Variants in AGPS observed in about 807,000 individuals in gnomAD.
The protein encoded by AGPS is alkylglycerone phosphate synthase.
In AGPS, 26 loss-of-function variants were observed where a neutral mutation model predicts 90.7. The observed-to-expected ratio is 0.29, with a 90% CI of 0.21 to 0.40. AGPS has a LOEUF of 0.40. AGPS is among the 10% of genes least tolerant of loss of function. The pLI is 1.00. For missense variants in AGPS, 540 were observed against 816.1 expected (o/e 0.66, Z 4.12); for synonymous variants, 294 against 285.3 (o/e 1.03, Z -0.31).
rs545636352 is a variant in AGPS, at chr2:177,442,430, C to T, written c.733C>T (p.Leu245=). ...IGGGTSVSYG[L]MCPADETRTI... ...AGGAGGAACAAGTGTTTCATATGGC[C>T]TGATGTGTCCTGCAGATGAGACAAG... Residue 245 remains leucine (L), a synonymous_variant, in exon 7 of 20, where the codon CTG becomes TTG. Coordinates refer to ENST00000264167, the MANE Select transcript of AGPS (RefSeq NM_003659.4). 24 of 1,613,836 alleles carry T rather than the reference C, an allele frequency of 1.5e-5. No individual in the cohort carries two copies. In the East Asian group the frequency reaches 4.2e-4, roughly 28 times the overall value.
chr2:177,410,764 C>T (rs1439833686), intron 1 of AGPS, among the ~76,000 whole-genome samples: 1 of 152,042 alleles, frequency 6.6e-6, no homozygotes, highest in Non-Finnish European at 1.5e-5. Context: ...CAAGCATACC[C>T]GGGGCTCTGT....
intron 11 of AGPS, among the ~76,000 whole-genome samples, chr2:177,489,763 T>A (rs1216510700): frequency 3.3e-5 from 5 of 152,218 alleles, no homozygotes; most frequent in Non-Finnish European, 7.3e-5. Flanking sequence ...AGGAAAGAAA[T>A]CAATTATTTC....
intron 1 of AGPS, among the ~76,000 whole-genome samples, chr2:177,410,173 C>T (rs928340414): frequency 6.6e-6 from 1 of 152,170 alleles, no homozygotes; most frequent in Non-Finnish European, 1.5e-5. Flanking sequence ...GGGATTACCC[C>T]ATACTAGGGG....
chr2:177,528,999 G>C, intron 19 of AGPS, among the ~76,000 whole-genome samples: 1 of 151,690 alleles, frequency 6.6e-6, no homozygotes, highest in East Asian at 1.9e-4. Context: ...GGGATTACAG[G>C]CTCCCGCCAC....
chr2:177,405,947 T>C (rs1482197473), intron 1 of AGPS, among the ~76,000 whole-genome samples: 2 of 152,192 alleles, frequency 1.3e-5, no homozygotes, highest in East Asian at 1.9e-4. Flanking sequence ...TCAGCATTCA[T>C]GTGTAAGGTC....
intron 18 of AGPS, among the ~76,000 whole-genome samples, chr2:177,521,650 T>A (rs1269363973): frequency 6.6e-6 from 1 of 152,204 alleles, no homozygotes; most frequent in Non-Finnish European, 1.5e-5. Context: ...ATTAAATAAC[T>A]ATATAGGAAT....
At chr2:177,416,362 A>G (rs1414861505) in intron 1 of AGPS, among the ~76,000 whole-genome samples, 1 of 152,230 alleles carries the variant, frequency 6.6e-6, no homozygotes, top group Admixed American at 6.5e-5. Context: ...CACCTTGTGC[A>G]TATAGGATGC....
At chr2:177,490,846 CTTTTTTT>C (rs61555724) in intron 11 of AGPS, among the ~76,000 whole-genome samples, 4 of 58,198 alleles carry the variant, frequency 6.9e-5, no homozygotes, top group Non-Finnish European at 1.2e-4. Context: ...AAGTTGCAGA[CTTTTTTT>C]TTTTTTTTTT....
intron 7 of AGPS, among the ~76,000 whole-genome samples, chr2:177,444,656 C>CT (rs1686717229): frequency 6.6e-6 from 1 of 151,830 alleles, no homozygotes; most frequent in Non-Finnish European, 1.5e-5. Flanking sequence ...GTGCTCTTTC[C>CT]TTTTTATTAT....
chr2:177,415,262 G>A (rs935813334), intron 1 of AGPS, among the ~76,000 whole-genome samples: 3 of 152,290 alleles, frequency 2.0e-5, no homozygotes, highest in East Asian at 3.9e-4. Context: ...TATATCAAAT[G>A]TGTTCCCTTA....
chr2:177,525,408 A>T lies in AGPS; in HGVS notation c.1855+1603A>T, dbSNP rs567122939. The stretch of plus-strand genomic sequence containing the variant: ...TGATTACATGGGACAGAGGAAGCGA[A>T]ATGATTTAGCCATAATTACTTGTTT... On this transcript the variant is annotated intron_variant, in intron 19 of 19. Transcript: ENST00000264167. 1.1e-4 allele frequency among the ~76,000 whole-genome samples: 16 copies of T among 152,334 alleles called. No individual in the cohort carries two copies. In the Middle Eastern group the frequency reaches 0.01, roughly 97 times the overall value.
At chr2:177,482,024 T>G in intron 10 of AGPS, 35 bp from the exon 11 acceptor site, 1 of 1,561,462 alleles carries the variant, frequency 6.4e-7, no homozygotes, top group Non-Finnish European at 8.7e-7. Context: ...AATTGTCATG[T>G]GATGTACTGG....
At chr2:177,440,849 T>C in intron 5 of AGPS, 116 bp from the exon 6 acceptor site, 1 of 808,776 alleles carries the variant, frequency 1.2e-6, no homozygotes, top group Non-Finnish European at 2.1e-6. Flanking sequence ...ATTGTGTTAA[T>C]GAGCAAATGA....
At chr2:177,425,343 G>A (rs1318303518) in intron 2 of AGPS, among the ~76,000 whole-genome samples, 6 of 151,868 alleles carry the variant, frequency 4.0e-5, no homozygotes, top group Non-Finnish European at 5.9e-5. Flanking sequence ...AATCCTGGCC[G>A]GGCGCAGTGG....
chr2:177,540,034 T>TA lies in AGPS; in HGVS notation c.*1840dup, dbSNP rs1454814808. On this transcript the variant is annotated 3_prime_UTR_variant, in exon 20 of 20. Coordinates refer to ENST00000264167, the MANE Select transcript of AGPS (RefSeq NM_003659.4). ...AGGTACTAATGTCTCACTGGAAGTA[T>TA]ATATATATATATATATATATGTATG... is the stretch of plus-strand genomic sequence containing the variant. The TA allele has an allele frequency of 8.9e-6, 1 of 112,622 alleles. No individual in the cohort carries two copies. The allele number at this position is 112,622 out of a possible 1,614,324, so 7.0% of individuals were successfully genotyped here.
chr2:177,406,089 T>C (rs775288712), intron 1 of AGPS, among the ~76,000 whole-genome samples: 1 of 152,204 alleles, frequency 6.6e-6, no homozygotes, highest in African/African-American at 2.4e-5. Flanking sequence ...ATTTGGTTCA[T>C]TGACAAATCA....
At chr2:177,477,650 T>C (rs1372700081) in intron 10 of AGPS, among the ~76,000 whole-genome samples, 1 of 152,176 alleles carries the variant, frequency 6.6e-6, no homozygotes, top group African/African-American at 2.4e-5. Flanking sequence ...ATAAGGGATA[T>C]TCAACATTTC....
intron 1 of AGPS, among the ~76,000 whole-genome samples, chr2:177,401,845 T>A (rs550248449): frequency 6.6e-6 from 1 of 152,214 alleles, no homozygotes; most frequent in Admixed American, 6.5e-5. Flanking sequence ...CGTGCCCGGC[T>A]GATTCCAGAT....
intron 10 of AGPS, among the ~76,000 whole-genome samples, chr2:177,479,122 A>G (rs930983778): frequency 2.6e-5 from 4 of 152,154 alleles, no homozygotes; most frequent in African/African-American, 9.7e-5. Context: ...TCTAAGTAAC[A>G]CCTCTGCTTT....
Sources: allele counts gnomAD v4.1 joint callset (sites outside exome capture counted in the v4.1 genomes callset), GRCh38; gene constraint gnomAD v4.1.1; transcripts MANE v1.5; gene names NCBI Gene and HGNC (gene_info 2026-07-23, HGNC 2026-07-21).